DOCK8: variants seen among roughly 807,000 people sequenced by gnomAD.
DOCK8 encodes dedicator of cytokinesis 8.
In DOCK8, 141 loss-of-function variants were observed where a neutral mutation model predicts 245.6. That is an observed-to-expected ratio of 0.57 (90% confidence interval 0.50 to 0.66). The LOEUF is 0.66. DOCK8 is among the 30% of genes least tolerant of loss of function. The pLI is 0.00. For synonymous variants in DOCK8, 1,168 were observed against 970.2 expected (o/e 1.20, Z -3.79); for missense variants, 2,965 against 2,603.4 (o/e 1.14, Z -3.02).
At chr9:286,694 G>T in intron 3 of DOCK8, 58 bp downstream of exon 3, 1 of 1,540,966 alleles carries the variant, frequency 6.5e-7, no homozygotes, top group Non-Finnish European at 9.0e-7. Context: ...TTTTCAATAA[G>T]TGGGTAGGGG....
chr9:408,918 A>ACACACG (rs2055575834), intron 28 of DOCK8, among the ~76,000 whole-genome samples: 1 of 149,922 alleles, frequency 6.7e-6, no homozygotes, highest in African/African-American at 2.5e-5. Context: ...GCACACACAC[A>ACACACG]GTACCCTTTC....
chr9:228,321 A>G (rs1370739939), intron 1 of DOCK8, among the ~76,000 whole-genome samples: 3 of 152,156 alleles, frequency 2.0e-5, no homozygotes, highest in African/African-American at 7.2e-5. Flanking sequence ...ATATGCAACA[A>G]ATTTTTCTTT....
intron 5 of DOCK8, among the ~76,000 whole-genome samples, chr9:308,155 G>A (rs2049934138): frequency 1.3e-5 from 2 of 152,164 alleles, no homozygotes; most frequent in South Asian, 4.1e-4. Flanking sequence ...AAGGTGACTA[G>A]AATTAATAAT....
chr9:377,427 A>T (rs569869226), intron 20 of DOCK8, among the ~76,000 whole-genome samples: 338 of 152,276 alleles, frequency 2.2e-3, no homozygotes, highest in African/African-American at 7.7e-3. Flanking sequence ...TCTTAATATT[A>T]TAGCTTTTTG....
intron 1 of DOCK8, among the ~76,000 whole-genome samples, chr9:218,785 C>T (rs1436196993): frequency 6.6e-6 from 1 of 152,156 alleles, no homozygotes; most frequent in Non-Finnish European, 1.5e-5. Context: ...CATTAACCCT[C>T]TTGTGGACAG....
rs145492344 is a variant in DOCK8 at position 289,733 on chromosome 9, A to C, written c.404+152A>C. 158 of 636,614 alleles carry C rather than the reference A, an allele frequency of 2.5e-4. No homozygotes were observed. The African/African-American group carries it at 2.6e-3, about 11-fold the overall frequency. 39.4% of individuals were successfully genotyped at this position (636,614 alleles called of 1,614,324 possible). A position where few individuals can be genotyped will look rare whatever the true frequency, so the allele number is the denominator to read the frequency against. On this transcript the variant is annotated intron_variant, in intron 4 of 47. Coordinates refer to ENST00000432829, the MANE Select transcript of DOCK8 (RefSeq NM_203447.4). ...TGTATGCCTTCCTTATCCCCACTCC[A>C]TATCACACACACAGTTCCCCCTATT...
At position 322,518 on chromosome 9, in the gene DOCK8, C is replaced by G. The variant is rs1464123240; in HGVS notation, c.828-3153C>G. Among the ~76,000 whole-genome samples, 4 of 151,786 alleles carry G rather than the reference C, an allele frequency of 2.6e-5. No homozygotes were observed. In the East Asian group the frequency reaches 5.8e-4, roughly 22 times the overall value. Reference sequence around the variant, plus strand: ...TAGACTTTGGCAAGTTCCTTATTCCCTGGGAACCTTGCTTTCCTGGTGTGT... The same window carrying G: ...TAGACTTTGGCAAGTTCCTTATTCCGTGGGAACCTTGCTTTCCTGGTGTGT... On this transcript the variant is annotated intron_variant, in intron 7 of 47. Transcript: ENST00000432829.
intron 7 of DOCK8, 140 bp from the exon 8 acceptor site, chr9:325,531 G>T: frequency 1.3e-6 from 1 of 742,114 alleles, no homozygotes; most frequent in Non-Finnish European, 2.4e-6. Flanking sequence ...ATCCCAGTGC[G>T]ATTCTCATAT....
chr9:405,997 C>T (rs2055400343), intron 27 of DOCK8, among the ~76,000 whole-genome samples: 1 of 152,176 alleles, frequency 6.6e-6, no homozygotes, highest in Non-Finnish European at 1.5e-5. Context: ...AGGGAGTGGC[C>T]AAACCCAGGG....
At chr9:439,984 T>C (rs1408209433) in intron 40 of DOCK8, among the ~76,000 whole-genome samples, 3 of 152,144 alleles carry the variant, frequency 2.0e-5, no homozygotes, top group Admixed American at 6.5e-5. Flanking sequence ...GATGAAGTCA[T>C]TGAGATTCAG....
intron 22 of DOCK8, 104 bp from the exon 23 acceptor site, chr9:386,227 A>G (rs900829533): frequency 8.2e-6 from 8 of 979,690 alleles, no homozygotes; most frequent in East Asian, 2.7e-5. Flanking sequence ...TAACCAGGAA[A>G]AAAAATATGT....
At chr9:286,025 A>T (rs1028905744) in intron 2 of DOCK8, among the ~76,000 whole-genome samples, 28 of 152,126 alleles carry the variant, frequency 1.8e-4, no homozygotes, top group Admixed American at 3.9e-4. Flanking sequence ...GTGCCTAAAC[A>T]CTCAGCCAAG....
At chr9:385,317 G>A (rs1032590358) in intron 22 of DOCK8, among the ~76,000 whole-genome samples, 6 of 151,504 alleles carry the variant, frequency 4.0e-5, no homozygotes, top group South Asian at 4.3e-4. Context: ...TAGTTTCTTA[G>A]TTTTGACAAA....
intron 1 of DOCK8, among the ~76,000 whole-genome samples, chr9:262,397 A>G (rs971089910): frequency 3.3e-5 from 5 of 149,714 alleles, no homozygotes; most frequent in African/African-American, 1.2e-4. Context: ...TTTATTTGTA[A>G]TAGGTAAAAA....
chr9:425,298 C>A (rs529001010), intron 33 of DOCK8, among the ~76,000 whole-genome samples: 2 of 151,912 alleles, frequency 1.3e-5, no homozygotes, highest in Non-Finnish European at 2.9e-5. Context: ...TTTGGGAGGC[C>A]GAGGTAAGTG....
chr9:365,068 A>C (rs939578810), intron 14 of DOCK8, among the ~76,000 whole-genome samples: 4 of 152,248 alleles, frequency 2.6e-5, no homozygotes, highest in African/African-American at 9.6e-5. Flanking sequence ...TGGGAGAATG[A>C]TGAAAGATAA....
At position 258,494 on chromosome 9, in the gene DOCK8, G is replaced by T. The variant is rs530107755; in HGVS notation, c.54-13133G>T. 2.0e-5 allele frequency among the ~76,000 whole-genome samples: 3 copies of T among 152,186 alleles called. No individual in the cohort carries two copies. In the East Asian group the frequency reaches 5.8e-4, roughly 29 times the overall value. On this transcript the variant is annotated intron_variant, in intron 1 of 47. Transcript: ENST00000432829. ...ACTGAATCCAGGTAGAGGAGGGAGT[G>T]GGTGCAAGAGCTCAAAGTATGCTGA...
Position 289,732 on chromosome 9 carries a change from C to A in DOCK8, c.404+151C>A, listed in dbSNP as rs2048963106. ...ATGTATGCCTTCCTTATCCCCACTC[C>A]ATATCACACACACAGTTCCCCCTAT... is the stretch of plus-strand genomic sequence containing the variant. On this transcript the variant is annotated intron_variant, in intron 4 of 47. Coordinates refer to ENST00000432829, the MANE Select transcript of DOCK8 (RefSeq NM_203447.4). 5 of 635,882 alleles carry A rather than the reference C, an allele frequency of 7.9e-6. No individual in the cohort carries two copies. In the East Asian group the frequency reaches 1.4e-4, roughly 18 times the overall value. 39.4% of individuals were successfully genotyped at this position (635,882 alleles called of 1,614,324 possible).
intron 30 of DOCK8, among the ~76,000 whole-genome samples, chr9:418,986 T>TGGCTCTGTCCTTTTGCATG (rs1197379086): frequency 6.6e-6 from 1 of 152,146 alleles, no homozygotes; most frequent in Non-Finnish European, 1.5e-5. Flanking sequence ...GAGGGTTGTT[T>TGGCTCTGTCCTTTTGCATG]GGCTCTGTCC....
Sources: gnomAD v4.1 joint callset for allele counts (sites outside exome capture counted in the v4.1 genomes callset) on GRCh38, gnomAD v4.1.1 for gene constraint, MANE v1.5 for transcripts, NCBI Gene and HGNC (gene_info 2026-07-23, HGNC 2026-07-21) for gene names.